The following ADRA1B variants were observed in gnomAD, a reference collection of about 807,000 sequenced individuals.
ADRA1B encodes the protein alpha-1B adrenergic receptor.
ADRA1B carries 17 observed loss-of-function variants against 17.9 expected under a neutral mutation model. The ratio of observed to expected loss-of-function variants is 0.95; its 90% CI spans 0.65 to 1.42. The LOEUF is 1.42. Among genes scored for constraint, ADRA1B ranks in the 40% most tolerant of loss-of-function variants. The pLI, the probability that ADRA1B is intolerant of heterozygous loss-of-function variation, is 0.00. For synonymous variants in ADRA1B, 366 were observed against 327.6 expected (o/e 1.12, Z -1.27); for missense variants, 681 against 722.1 (o/e 0.94, Z 0.65).
chr5:159,887,987 A>G (rs35252489), intron 1 of ADRA1B: 9,553 of 152,226 alleles, frequency 0.063, 360 homozygotes, highest in Middle Eastern at 0.12. Flanking sequence ...AATATTACTC[A>G]TAACATTTAA....
the ADRA1B span, among the ~76,000 whole-genome samples, chr5:159,980,399 C>G: frequency 2.7e-3 from 417 of 152,316 alleles, 4 homozygotes; most frequent in African/African-American, 9.7e-3. Flanking sequence ...TCCACACTGC[C>G]TGGCCCCAAA....
chr5:159,955,645 G>T (rs780032877), intron 1 of ADRA1B, among the ~76,000 whole-genome samples: 1 of 152,152 alleles, frequency 6.6e-6, no homozygotes, highest in Non-Finnish European at 1.5e-5. Context: ...GTGCTGTGTG[G>T]CCTGTTTGTC....
intron 1 of ADRA1B, among the ~76,000 whole-genome samples, chr5:159,865,732 C>T (rs541707461): frequency 4.4e-4 from 67 of 152,296 alleles, no homozygotes; most frequent in African/African-American, 1.5e-3. Flanking sequence ...ACATGCTTGT[C>T]ACTGCTGTTC....
chr5:159,917,508 C>T lies in ADRA1B; in HGVS notation c.603C>T (p.Pro201=), dbSNP rs375325263. ...DDKECGVTEE[P]FYALFSSLGS... is the part of the protein sequence containing the mutation. The stretch of plus-strand genomic sequence containing the variant: ...AGGAGTGCGGGGTCACCGAAGAACC[C>T]TTCTATGCCCTCTTCTCCTCTCTGG... The change falls in exon 1 of 2, where the codon CCC becomes CCT. Residue 201 remains proline, a synonymous_variant. Coordinates refer to ENST00000306675, the MANE Select transcript of ADRA1B (RefSeq NM_000679.4). The T allele has an allele frequency of 1.9e-5, 31 of 1,613,948 alleles. No homozygotes were observed. Among genetic ancestry groups the T allele is most frequent in the Non-Finnish European group, 2.2e-5 (26 of 1,179,976 alleles).
At chr5:159,870,823 T>C (rs1222104643) in intron 1 of ADRA1B, 2 of 152,270 alleles carry the variant, frequency 1.3e-5, no homozygotes, top group African/African-American at 2.4e-5. Context: ...AAATCCCTTA[T>C]GAGAGACTGT....
chr5:159,950,337 C>G (rs1396713591), intron 1 of ADRA1B, among the ~76,000 whole-genome samples: 2 of 152,110 alleles, frequency 1.3e-5, no homozygotes, highest in East Asian at 3.9e-4. Flanking sequence ...CAAGGTGGGG[C>G]TCCCTAGGCC....
chr5:159,959,116 C>T (rs779785761), intron 1 of ADRA1B, among the ~76,000 whole-genome samples: 1 of 152,120 alleles, frequency 6.6e-6, no homozygotes, highest in Non-Finnish European at 1.5e-5. Flanking sequence ...TTTACAGTTC[C>T]CAAAGAGTTA....
At chr5:159,905,933 T>C (rs1423406210) in intron 1 of ADRA1B, among the ~76,000 whole-genome samples, 1 of 151,932 alleles carries the variant, frequency 6.6e-6, no homozygotes, top group Non-Finnish European at 1.5e-5. Flanking sequence ...CTTGGCTCAC[T>C]GCAACTTCCG....
chr5:159,946,034 A>G (rs535859331), intron 1 of ADRA1B, among the ~76,000 whole-genome samples: 1 of 152,324 alleles, frequency 6.6e-6, no homozygotes, highest in Non-Finnish European at 1.5e-5. Context: ...GGCGTGAGCC[A>G]CCGCGCCCAG....
chr5:159,917,065 G>T lies in ADRA1B; in HGVS notation c.160G>T (p.Ala54Ser), dbSNP rs1330843392. ...RAISVGLVLG[A>S]FILFAIVGNI... ...CATCTCTGTGGGCCTGGTGCTGGGC[G>T]CCTTCATCCTCTTTGCCATCGTGGG... The change falls in exon 1 of 2, where the codon GCC (alanine) becomes TCC (serine). Residue 54 changes from alanine to serine, a missense_variant. Around this residue, in one of 3 missense-constraint regions of ADRA1B, gnomAD observed 424 missense variants for 480.2 expected, o/e 0.88. Transcript: ENST00000306675. 6.2e-7 allele frequency: 1 copy of T among 1,614,134 alleles called. No homozygotes were observed. Among genetic ancestry groups the T allele is most frequent in the Non-Finnish European group, 8.5e-7 (1 of 1,179,996 alleles).
chr5:159,934,784 C>CTCCA (rs933633599), intron 1 of ADRA1B, among the ~76,000 whole-genome samples: 1 of 150,768 alleles, frequency 6.6e-6, no homozygotes, highest in African/African-American at 2.4e-5. Flanking sequence ...CACCACTGCA[C>CTCCA]TCCAGTCTGG....
At chr5:159,881,167 C>G (rs1470257794) in intron 1 of ADRA1B, among the ~76,000 whole-genome samples, 1 of 115,656 alleles carries the variant, frequency 8.6e-6, no homozygotes, top group Admixed American at 1.2e-4. Flanking sequence ...GGCGACAGAG[C>G]GAGACTCCGT....
upstream of ADRA1B, chr5:159,916,476 C>T (rs1754306701): frequency 6.5e-6 from 1 of 153,364 alleles, no homozygotes; most frequent in African/African-American, 2.4e-5. Flanking sequence ...GATGTCACCG[C>T]CGTGCAGTCA....
intron 1 of ADRA1B, chr5:159,950,964 C>T (rs1755423021): frequency 8.4e-6 from 5 of 592,480 alleles, no homozygotes; most frequent in Middle Eastern, 9.7e-4. Flanking sequence ...GCAGTGATGG[C>T]GTGGACTGTA....
chr5:159,973,391 G>C (rs1303494408), downstream of ADRA1B, among the ~76,000 whole-genome samples: 1 of 152,106 alleles, frequency 6.6e-6, no homozygotes, highest in African/African-American at 2.4e-5. Context: ...CTGATCCCTA[G>C]ACCCAACCCC....
intron 1 of ADRA1B, among the ~76,000 whole-genome samples, chr5:159,906,617 G>T (rs1561586830): frequency 6.6e-6 from 1 of 152,208 alleles, no homozygotes; most frequent in Non-Finnish European, 1.5e-5. Context: ...AGCATAGCTG[G>T]CTATGCAGAC....
At chr5:159,962,262 G>A (rs935524949) in intron 1 of ADRA1B, among the ~76,000 whole-genome samples, 8 of 152,130 alleles carry the variant, frequency 5.3e-5, no homozygotes, top group African/African-American at 1.9e-4. Context: ...TAAGGAGATA[G>A]GGACAGGGGA....
upstream of ADRA1B, among the ~76,000 whole-genome samples, chr5:159,915,318 A>C (rs1285632516): frequency 6.6e-6 from 1 of 152,228 alleles, no homozygotes; most frequent in Non-Finnish European, 1.5e-5. Context: ...CATCCATGAA[A>C]TAGAAATGGT....
In ADRA1B at chr5:159,972,302, C is replaced by T; in HGVS notation, c.1373C>T (p.Ala458Val). 2 of 1,427,764 alleles carry T rather than the reference C, an allele frequency of 1.4e-6. No homozygotes were observed. The highest frequency in any genetic ancestry group is 3.0e-5 in the African/African-American group (2 of 66,292). The allele number at this position is 1,427,764 out of a possible 1,614,324, so 88.4% of individuals were successfully genotyped here. A position where few individuals can be genotyped will look rare whatever the true frequency, so the allele number is the denominator to read the frequency against. ...CCCGGCGCCCTCCTGAGCCTGCCCGCGCCTGAGCCCCCCGGCCGCCGCGGC... is the reference window on the plus strand; with the variant it reads ...CCCGGCGCCCTCCTGAGCCTGCCCGTGCCTGAGCCCCCCGGCCGCCGCGGC... The part of the protein sequence containing the change: ...KAPGALLSLP[A>V]PEPPGRRGRH... The change falls in exon 2 of 2, where the codon GCG becomes GTG. Residue 458 changes from alanine (A) to valine (V), a missense_variant. Transcript: ENST00000306675.
Sources: gnomAD v4.1 joint callset for allele counts (sites outside exome capture counted in the v4.1 genomes callset) on GRCh38, gnomAD v4.1.1 for gene constraint, gnomAD v4.1.1 regional missense constraint, MANE v1.5 for transcripts, NCBI Gene and HGNC (gene_info 2026-07-23, HGNC 2026-07-21) for gene names.